Variants in FAT3 observed in about 807,000 individuals in gnomAD.
FAT3 encodes the protein FAT atypical cadherin 3.
FAT3 carries 95 observed loss-of-function variants against 310.2 expected under a neutral mutation model. The ratio of observed to expected loss-of-function variants is 0.31; its 90% CI spans 0.26 to 0.36. The LOEUF (loss-of-function observed/expected upper bound fraction) is 0.36. Ranked by LOEUF, FAT3 falls within the 10% of genes least tolerant of loss-of-function variation. The probability of loss-of-function intolerance (pLI) is 1.00; values close to 1 mark genes in which losing one functional copy is unlikely to be tolerated. For missense variants in FAT3, 5,408 were observed against 5,715.6 expected (o/e 0.95, Z 1.74); for synonymous variants, 2,314 against 2,192.9 (o/e 1.06, Z -1.54).
chr11:92,577,139 C>G (rs1257273863), intron 3 of FAT3, among the ~76,000 whole-genome samples: 1 of 151,868 alleles, frequency 6.6e-6, no homozygotes, highest in Non-Finnish European at 1.5e-5. Flanking sequence ...GAGATGGAGT[C>G]TTGCTCTGTT....
Position 92,882,603 on chromosome 11 carries a change from A to G in FAT3, c.12282-135A>G, listed in dbSNP as rs1234565695. 8.6e-5 allele frequency: 24 copies of G among 279,420 alleles called. 1 individual carries two copies. Among genetic ancestry groups the G allele is most frequent in the Non-Finnish European group, 1.0e-4 (18 of 176,048 alleles). The allele number at this position is 279,420 out of a possible 1,614,324, so 17.3% of individuals were successfully genotyped here. Reference sequence around the variant, plus strand: ...CTCCCCCTCCCCCCCCCCACCAACCATCTTTGTCCTGCTTCATCTGTACCC... The same window carrying G: ...CTCCCCCTCCCCCCCCCCACCAACCGTCTTTGTCCTGCTTCATCTGTACCC... On this transcript the variant is annotated intron_variant, in intron 23 of 27. Coordinates refer to ENST00000525166, the MANE Select transcript of FAT3 (RefSeq NM_001367949.2).
At chr11:92,435,490 C>CCTTT (rs1256851110) in intron 2 of FAT3, among the ~76,000 whole-genome samples, 48 of 147,474 alleles carry the variant, frequency 3.3e-4, no homozygotes, top group African/African-American at 1.2e-3. Flanking sequence ...TTCCTTCCTT[C>CCTTT]CTTCCTTCCT....
intron 2 of FAT3, among the ~76,000 whole-genome samples, chr11:92,424,509 A>G (rs1319651541): frequency 2.0e-5 from 3 of 152,088 alleles, no homozygotes; most frequent in African/African-American, 7.2e-5. Context: ...TAAAATGGCC[A>G]GAGAATTTGT....
At chr11:92,439,858 G>C (rs897226218) in intron 2 of FAT3, among the ~76,000 whole-genome samples, 3 of 152,040 alleles carry the variant, frequency 2.0e-5, no homozygotes, top group Non-Finnish European at 4.4e-5. Flanking sequence ...CGAGGCTGCT[G>C]TGAGCGTTGA....
At chr11:92,382,362 T>G (rs1261139949) in intron 2 of FAT3, among the ~76,000 whole-genome samples, 1 of 152,222 alleles carries the variant, frequency 6.6e-6, no homozygotes, top group Non-Finnish European at 1.5e-5. Context: ...TATTGTTTTT[T>G]GTTCAATATT....
At chr11:92,580,834 T>G (rs1302749182) in intron 3 of FAT3, among the ~76,000 whole-genome samples, 1 of 152,078 alleles carries the variant, frequency 6.6e-6, no homozygotes, top group Non-Finnish European at 1.5e-5. Flanking sequence ...CATCTGAGCC[T>G]ACATGGCCTC....
intron 1 of FAT3, among the ~76,000 whole-genome samples, chr11:92,248,365 A>G (rs775522232): frequency 3.3e-5 from 5 of 152,146 alleles, no homozygotes; most frequent in Non-Finnish European, 5.9e-5. Flanking sequence ...TACAGATGGC[A>G]TTACCCTCTG....
intron 1 of FAT3, among the ~76,000 whole-genome samples, chr11:92,351,796 C>T (rs182381190): frequency 1.3e-5 from 2 of 152,170 alleles, no homozygotes; most frequent in East Asian, 3.9e-4. Context: ...TCTAAATTGA[C>T]CTTCAGAATG....
chr11:92,366,788 T>C, intron 2 of FAT3: 4 of 531,598 alleles, frequency 7.5e-6, no homozygotes, highest in South Asian at 5.6e-5. Context: ...GTCCTTCAGA[T>C]GCTCACAGGA....
chr11:92,565,759 G>A (rs1293163919), intron 3 of FAT3, among the ~76,000 whole-genome samples: 1 of 151,908 alleles, frequency 6.6e-6, no homozygotes, highest in East Asian at 1.9e-4. Context: ...ATGTAATCCA[G>A]CATATAAACA....
rs369227298 is a variant in FAT3 at position 92,799,663 on chromosome 11, G to A, written c.6650G>A (p.Gly2217Asp). The A allele has an allele frequency of 1.5e-4, 247 of 1,613,652 alleles. 1 individual carries two copies. In the Middle Eastern group the frequency reaches 3.1e-3, roughly 20 times the overall value. ...SINATSPEGQ[G>D]IIYIIIDGDP... is the part of the protein sequence containing the mutation. ...AATGCCACCAGTCCAGAAGGCCAAGGCATCATATATATCATTATCGATGGG... is the reference window on the plus strand; with the variant it reads ...AATGCCACCAGTCCAGAAGGCCAAGACATCATATATATCATTATCGATGGG... The change falls in exon 10 of 28, where the codon GGC (glycine) becomes GAC (aspartate). Residue 2217 changes from glycine (G) to aspartate (D), a missense_variant. Transcript: ENST00000525166.
At chr11:92,838,489 G>A (rs191522301) in intron 17 of FAT3, among the ~76,000 whole-genome samples, 19 of 152,236 alleles carry the variant, frequency 1.2e-4, no homozygotes, top group African/African-American at 3.6e-4. Flanking sequence ...GGTACTGAGC[G>A]TCCTCTACTT....
intron 3 of FAT3, among the ~76,000 whole-genome samples, chr11:92,546,939 C>G (rs1277868435): frequency 6.6e-6 from 1 of 152,142 alleles, no homozygotes; most frequent in Non-Finnish European, 1.5e-5. Context: ...TCCTTGTTCA[C>G]AAAACGAATT....
intron 18 of FAT3, among the ~76,000 whole-genome samples, chr11:92,843,411 A>G (rs533833441): frequency 3.3e-5 from 5 of 152,362 alleles, no homozygotes; most frequent in South Asian, 2.1e-4. Context: ...AAGGGTTTTT[A>G]TCAAGCTACT....
chr11:92,886,845 T>A, intron 24 of FAT3, 155 bp from the exon 25 acceptor site: 2 of 623,092 alleles, frequency 3.2e-6, no homozygotes, highest in Admixed American at 2.9e-5. Context: ...TTGCCCCCAG[T>A]GGCACAGTCA....
At chr11:92,640,548 G>C (rs953228877) in intron 3 of FAT3, among the ~76,000 whole-genome samples, 6 of 152,140 alleles carry the variant, frequency 3.9e-5, no homozygotes, top group African/African-American at 1.4e-4. Flanking sequence ...TAGTGTAAAT[G>C]CATACACATA....
intron 4 of FAT3, among the ~76,000 whole-genome samples, chr11:92,718,924 T>C (rs1210793894): frequency 6.6e-6 from 1 of 152,192 alleles, no homozygotes. Flanking sequence ...AGTTGATACC[T>C]CTAAAGAAAC....
chr11:92,682,843 C>G (rs549373327), intron 3 of FAT3, among the ~76,000 whole-genome samples: 198 of 152,070 alleles, frequency 1.3e-3, no homozygotes, highest in African/African-American at 4.6e-3. Context: ...TTTGGGAAGC[C>G]GAGGTGGGCA....
At chr11:92,762,313 T>G (rs1946172870) in intron 5 of FAT3, 143 bp downstream of exon 5, 2 of 775,042 alleles carry the variant, frequency 2.6e-6, no homozygotes, top group African/African-American at 1.8e-5. Flanking sequence ...GGGAGGCAAG[T>G]GCAGGTGAGA....
Sources: gnomAD v4.1 joint callset for allele counts (sites outside exome capture counted in the v4.1 genomes callset) on GRCh38, gnomAD v4.1.1 for gene constraint, MANE v1.5 for transcripts, NCBI Gene and HGNC (gene_info 2026-07-23, HGNC 2026-07-21) for gene names.